The following ZMYM6 variants were observed in gnomAD, a reference collection of about 807,000 sequenced individuals.
The protein encoded by ZMYM6 is zinc finger MYM-type containing 6.
In ZMYM6, 90 loss-of-function variants were observed where a neutral mutation model predicts 134.0. The ratio of observed to expected loss-of-function variants is 0.67; its 90% confidence interval spans 0.57 to 0.80. The LOEUF (loss-of-function observed/expected upper bound fraction) is 0.80, where lower values mean the gene tolerates loss of function less well. Ranked by LOEUF, ZMYM6 falls within the 30% of genes least tolerant of loss-of-function variation. ZMYM6 has a pLI of 0.00. For synonymous variants in ZMYM6, 481 were observed against 524.1 expected (o/e 0.92, Z 1.12); for missense variants, 1,362 against 1,533.9 (o/e 0.89, Z 1.87).
At chr1:34,996,001 T>C (rs922158001) in intron 14 of ZMYM6, among the ~76,000 whole-genome samples, 3 of 152,208 alleles carry the variant, frequency 2.0e-5, no homozygotes, top group African/African-American at 4.8e-5. Context: ...GAATCCCTGA[T>C]GAACATATCT....
At position 34,988,510 on chromosome 1, in the gene ZMYM6, C is replaced by T. The variant is rs1165110944; in HGVS notation, c.2572G>A (p.Val858Ile). The T allele has an allele frequency of 1.3e-6, 2 of 1,550,820 alleles. No homozygotes were observed. The highest frequency in any genetic ancestry group is 1.4e-5 in the African/African-American group (1 of 73,036). ...CCCAAAACTTCTGAACACATTTCTA[C>T]TAAATATGGTTTAATTAATTCTTCA... is the stretch of plus-strand genomic sequence containing the variant. ...IAEELIKPYLVEMCSEVLGSS... is the reference protein window; with the variant it reads ...IAEELIKPYLIEMCSEVLGSS... Residue 858 changes from valine to isoleucine, a missense_variant, in exon 16 of 16, where the codon GTA (valine) becomes ATA (isoleucine). Physicochemically the swap from Val to Ile is conservative, Grantham distance 29. Around this residue, in one of 3 missense-constraint regions of ZMYM6, gnomAD observed 824 missense variants for 940.9 expected, o/e 0.88. Transcript: ENST00000357182.
intron 14 of ZMYM6, among the ~76,000 whole-genome samples, chr1:35,000,270 G>T (rs984644702): frequency 6.8e-6 from 1 of 147,222 alleles, no homozygotes; most frequent in African/African-American, 2.6e-5. Context: ...TTGAGACAGG[G>T]TCTCTGTCAC....
chr1:35,011,176 G>C, intron 8 of ZMYM6, 140 bp from the exon 9 acceptor site: 2 of 899,062 alleles, frequency 2.2e-6, no homozygotes, highest in Non-Finnish European at 3.3e-6. Flanking sequence ...GAGTTTAAAT[G>C]GTATATTTCC....
At position 35,005,978 on chromosome 1, in the gene ZMYM6, T is replaced by A. The variant is rs77696707; in HGVS notation, c.1814-706A>T. On this transcript the variant is annotated intron_variant, in intron 12 of 15. Coordinates refer to ENST00000357182, the MANE Select transcript of ZMYM6 (RefSeq NM_007167.4). ...CAAAGCTCTGTCAATCAGGTAGCAC[T>A]CCAGGCTTTGAACAGAGAACATAAT... Among the ~76,000 whole-genome samples the A allele has an allele frequency of 1.2e-4, 19 of 152,344 alleles. No homozygotes were observed. In the East Asian group the frequency reaches 3.7e-3, roughly 29 times the overall value.
At chr1:34,994,186 T>G (rs187431304) in intron 14 of ZMYM6, among the ~76,000 whole-genome samples, 60 of 152,238 alleles carry the variant, frequency 3.9e-4, no homozygotes, top group Non-Finnish European at 7.5e-4. Flanking sequence ...AAGACAAAGT[T>G]CTGCTCATAT....
At chr1:34,999,240 A>T (rs1436708216) in intron 14 of ZMYM6, among the ~76,000 whole-genome samples, 8 of 152,178 alleles carry the variant, frequency 5.3e-5, no homozygotes, top group African/African-American at 1.9e-4. Flanking sequence ...TGACTGTGTT[A>T]AATACAGTAA....
At chr1:35,028,700 C>T (rs1313698639) in intron 2 of ZMYM6, among the ~76,000 whole-genome samples, 5 of 151,516 alleles carry the variant, frequency 3.3e-5, no homozygotes, top group Non-Finnish European at 5.9e-5. Context: ...GGGGTTTCAC[C>T]GTGTTAGCCA....
rs778012722 is a variant in ZMYM6, at chr1:35,003,955, C to T, written c.1992+13G>A. On this transcript the variant is annotated intron_variant, in intron 14 of 15. Transcript: ENST00000357182. The stretch of plus-strand genomic sequence containing the variant: ...GTGGCATTATCAAGAAAAGTATTAA[C>T]AATTAAACTCACATCTTGAATGATC... 1.2e-5 allele frequency: 19 copies of T among 1,610,006 alleles called. No homozygotes were observed. The South Asian group carries it at 2.0e-4, about 17-fold the overall frequency.
chr1:35,021,300 C>G (rs1641305193), intron 2 of ZMYM6, among the ~76,000 whole-genome samples: 1 of 151,640 alleles, frequency 6.6e-6, no homozygotes, highest in Non-Finnish European at 1.5e-5. Context: ...GCTACCACAC[C>G]CGGCGAATTT....
At chr1:35,029,892 C>A (rs983297327) in intron 2 of ZMYM6, among the ~76,000 whole-genome samples, 2 of 152,044 alleles carry the variant, frequency 1.3e-5, no homozygotes, top group African/African-American at 4.8e-5. Flanking sequence ...ATTACTTGAC[C>A]AATACTTTTG....
At chr1:35,029,889 G>A (rs1157453368) in intron 2 of ZMYM6, among the ~76,000 whole-genome samples, 1 of 152,024 alleles carries the variant, frequency 6.6e-6, no homozygotes, top group Non-Finnish European at 1.5e-5. Context: ...TATATTACTT[G>A]ACCAATACTT....
At chr1:35,002,563 A>G (rs1388814358) in intron 14 of ZMYM6, among the ~76,000 whole-genome samples, 3 of 152,128 alleles carry the variant, frequency 2.0e-5, no homozygotes, top group Admixed American at 6.5e-5. Flanking sequence ...ATTTTTTTCC[A>G]TTTATTCCAT....
Position 35,010,560 on chromosome 1 carries a change from T to C in ZMYM6, c.1379A>G (p.Asp460Gly). Residue 460 changes from aspartate (D) to glycine (G), a missense_variant, in exon 10 of 16, where the codon GAT becomes GGT. Physicochemically the swap from Asp to Gly is moderately conservative, Grantham distance 94 (BLOSUM62 -1). Coordinates refer to ENST00000357182, the MANE Select transcript of ZMYM6 (RefSeq NM_007167.4). ...AACTTTATTTTTCTTCTTGTATTCATCAGAGCAATTCTTGCCACAAAACAG... is the reference window on the plus strand; with the variant it reads ...AACTTTATTTTTCTTCTTGTATTCACCAGAGCAATTCTTGCCACAAAACAG... ...MFLFCGKNCS[D>G]EYKKKNKVVA... The C allele has an allele frequency of 6.2e-7, 1 of 1,613,480 alleles. No homozygotes were observed. Among genetic ancestry groups the C allele is most frequent in the Non-Finnish European group, 8.5e-7 (1 of 1,179,878 alleles).
At position 35,030,607 on chromosome 1, in the gene ZMYM6, T is replaced by C. The variant is rs1176661218; in HGVS notation, c.33A>G (p.Lys11=). Residue 11 remains lysine (K), a synonymous_variant, in exon 2 of 16, where the codon AAA becomes AAG. Transcript: ENST00000357182. MKEPLDGECG[K]AVVPQQELLD... The stretch of plus-strand genomic sequence containing the variant: ...GAAGCTCCTGCTGTGGTACCACTGC[T>C]TTGCCACATTCACCATCCAAAGGTT... The C allele has an allele frequency of 6.2e-7, 1 of 1,613,868 alleles. No homozygotes were observed. Among genetic ancestry groups the C allele is most frequent in the Non-Finnish European group, 8.5e-7 (1 of 1,180,010 alleles).
chr1:35,023,684 C>T (rs1164583918), intron 2 of ZMYM6, among the ~76,000 whole-genome samples: 1 of 148,364 alleles, frequency 6.7e-6, no homozygotes, highest in Non-Finnish European at 1.5e-5. Flanking sequence ...ATGCAGTGGA[C>T]GATCTCGGCT....
At position 34,986,439 on chromosome 1, in the gene ZMYM6, G is replaced by C. The variant is rs1010880928; in HGVS notation, c.*665C>G. 3 of 152,296 alleles carry C rather than the reference G, an allele frequency of 2.0e-5. No homozygotes were observed. Among genetic ancestry groups the C allele is most frequent in the African/African-American group, 7.2e-5 (3 of 41,432 alleles). The allele number at this position is 152,296 out of a possible 1,614,324, so 9.4% of individuals were successfully genotyped here. A position where few individuals can be genotyped will look rare whatever the true frequency, so the allele number is the denominator to read the frequency against. The stretch of plus-strand genomic sequence containing the variant: ...GATCTATCTTTTTCCAGCTGGGCAC[G>C]TTGGCTCACACTTGTAATCCCAGCA... On this transcript the variant is annotated 3_prime_UTR_variant, in exon 16 of 16. Transcript: ENST00000357182.
Position 34,988,649 on chromosome 1 carries a change from C to T in ZMYM6, c.2433G>A (p.Met811Ile), listed in dbSNP as rs1257926167. Residue 811 changes from methionine (M) to isoleucine (I), a missense_variant, in exon 16 of 16, where the codon ATG becomes ATA. Coordinates refer to ENST00000357182, the MANE Select transcript of ZMYM6 (RefSeq NM_007167.4). ...VDFFEQKSLE[M>I]ECQNSSLKKC... ...TTTTTAAAGAACTATTTTGACATTC[C>T]ATTTCTAAAGATTTTTGTTCAAAAA... is the stretch of plus-strand genomic sequence containing the variant. The T allele has an allele frequency of 6.5e-7, 1 of 1,547,154 alleles. No homozygotes were observed. Among genetic ancestry groups the T allele is most frequent in the African/African-American group, 1.4e-5 (1 of 72,738 alleles).
chr1:35,013,178 AAG>A, intron 6 of ZMYM6: 1 of 745,136 alleles, frequency 1.3e-6, no homozygotes, highest in Non-Finnish European at 1.6e-6. Flanking sequence ...GCCCCAGGCT[AAG>A]AAATTTATAT....
At chr1:35,009,750 T>C (rs968756758) in intron 10 of ZMYM6, among the ~76,000 whole-genome samples, 2 of 151,698 alleles carry the variant, frequency 1.3e-5, no homozygotes, top group African/African-American at 4.8e-5. Flanking sequence ...CTGGGAAACA[T>C]GGTGAAACCC....
Sources: allele counts gnomAD v4.1 joint callset (sites outside exome capture counted in the v4.1 genomes callset), GRCh38; gene constraint gnomAD v4.1.1; regional missense constraint gnomAD v4.1.1; transcripts MANE v1.5; gene names NCBI Gene and HGNC (gene_info 2026-07-23, HGNC 2026-07-21).